The following PPP2R2B variants were observed in gnomAD, a reference collection of about 807,000 sequenced individuals.
PPP2R2B encodes protein phosphatase 2 regulatory subunit Bbeta, also known as serine/threonine-protein phosphatase 2A 55 kDa regulatory subunit B beta isoform.
PPP2R2B carries 5 observed loss-of-function variants against 46.0 expected under a neutral mutation model. That is an observed-to-expected ratio of 0.11 (90% CI 0.06 to 0.23). PPP2R2B has a LOEUF of 0.23. Among genes scored for constraint, PPP2R2B ranks in the 10% least tolerant of loss-of-function variants. The pLI, the probability that PPP2R2B is intolerant of heterozygous loss-of-function variation, is 1.00. For synonymous variants in PPP2R2B, 215 were observed against 206.7 expected, an observed-to-expected ratio of 1.04 and a Z score of -0.34; for missense variants, 367 against 575.0, an observed-to-expected ratio of 0.64 and a Z score of 3.70.
At chr5:146,888,361 C>T (rs901291068) in intron 1 of PPP2R2B, among the ~76,000 whole-genome samples, 2 of 152,156 alleles carry the variant, frequency 1.3e-5, no homozygotes, top group African/African-American at 4.8e-5. Context: ...TCATTCCCAT[C>T]TTTTCAATCC....
rs532307053 is a variant in PPP2R2B at position 146,652,925 on chromosome 5, A to T, written c.448-2201T>A. ...ATGAGGTAGAATTTTTAAAGTGAAGATCATACACTTTTGGACATCAACTAA... is the reference window on the plus strand; with the variant it reads ...ATGAGGTAGAATTTTTAAAGTGAAGTTCATACACTTTTGGACATCAACTAA... On this transcript the variant is annotated intron_variant, in intron 5 of 9. Transcript: ENST00000394411. Among the ~76,000 whole-genome samples the T allele has an allele frequency of 2.0e-5, 3 of 152,308 alleles. No homozygotes were observed. The South Asian group carries it at 6.2e-4, about 32-fold the overall frequency.
intron 6 of PPP2R2B, among the ~76,000 whole-genome samples, chr5:146,642,037 G>A (rs185453715): frequency 2.0e-5 from 3 of 152,300 alleles, no homozygotes; most frequent in Admixed American, 2.0e-4. Context: ...ACTGCTTACG[G>A]CATTTCTTAT....
At chr5:146,905,122 A>G (rs1017568671) in intron 1 of PPP2R2B, among the ~76,000 whole-genome samples, 6 of 152,294 alleles carry the variant, frequency 3.9e-5, no homozygotes, top group African/African-American at 1.2e-4. Context: ...CATCTCTACT[A>G]GAATTGCCAA....
At chr5:146,821,309 A>T (rs1019642412) in intron 2 of PPP2R2B, among the ~76,000 whole-genome samples, 1 of 152,094 alleles carries the variant, frequency 6.6e-6, no homozygotes, top group South Asian at 2.1e-4. Flanking sequence ...TCTTAAGGCT[A>T]TTTTTATCTT....
Position 146,878,114 on chromosome 5 carries a change from A to G in PPP2R2B, c.-43T>C, listed in dbSNP as rs1013110297. On this transcript the variant is annotated 5_prime_UTR_variant, in exon 2 of 10. Coordinates refer to ENST00000394411, the MANE Select transcript of PPP2R2B (RefSeq NM_181675.4). The surrounding 1 kb of genome is among the most constrained non-coding windows in gnomAD (Gnocchi z 4.5). ...GCGTGGGAACCAGAAGCCGGCAGAC[A>G]AGTATCCATGATCCCTCCCCGCAGC... The G allele has an allele frequency of 6.2e-6, 10 of 1,613,818 alleles. No individual in the cohort carries two copies. The highest frequency in any genetic ancestry group is 8.5e-6 in the Non-Finnish European group (10 of 1,179,938).
chr5:146,639,155 GCT>G (rs1270131794), intron 6 of PPP2R2B, among the ~76,000 whole-genome samples: 6 of 152,286 alleles, frequency 3.9e-5, no homozygotes, highest in Admixed American at 3.9e-4. Context: ...CAAAGTCTGT[GCT>G]CTTTCATAAT....
intron 5 of PPP2R2B, among the ~76,000 whole-genome samples, chr5:146,665,803 G>T (rs1020195024): frequency 6.6e-6 from 1 of 152,150 alleles, no homozygotes; most frequent in African/African-American, 2.4e-5. Context: ...TAACATCAGA[G>T]ATTAATGATC....
chr5:146,636,480 C>A (rs771112849), intron 7 of PPP2R2B, among the ~76,000 whole-genome samples: 4 of 152,166 alleles, frequency 2.6e-5, no homozygotes, highest in Non-Finnish European at 5.9e-5. Flanking sequence ...GTCAGCACCT[C>A]CCCCAGGGTC....
chr5:146,993,908 T>C (rs2151864021), intron 1 of PPP2R2B, among the ~76,000 whole-genome samples: 1 of 152,276 alleles, frequency 6.6e-6, no homozygotes, highest in South Asian at 2.1e-4. Context: ...GGATCCAGAA[T>C]TGCTATTTAA....
Position 146,878,442 on chromosome 5 carries a change from A to G in PPP2R2B, c.-125+149T>C. On this transcript the variant is annotated intron_variant, in intron 1 of 9. Transcript: ENST00000394411. This position sits in a 1 kb window ranked among gnomAD's most constrained non-coding sequence, Gnocchi z 4.5. ...GGCGCTCACAAGCGGGTCTGGGGAG[A>G]TGCCCAACAGGTTCCCCTCCTTGGC... 1 of 1,359,530 alleles carries G rather than the reference A, an allele frequency of 7.4e-7. No individual in the cohort carries two copies. The allele number at this position is 1,359,530 out of a possible 1,614,324, so 84.2% of individuals were successfully genotyped here. A position where few individuals can be genotyped will look rare whatever the true frequency, so the allele number is the denominator to read the frequency against.
At chr5:146,658,801 T>C (rs1416306464) in intron 5 of PPP2R2B, among the ~76,000 whole-genome samples, 1 of 152,220 alleles carries the variant, frequency 6.6e-6, no homozygotes, top group Non-Finnish European at 1.5e-5. Context: ...ATGATACTTT[T>C]AATCAAGGCC....
Position 146,689,661 on chromosome 5 carries a change from C to T in PPP2R2B, c.447+1467G>A, listed in dbSNP as rs912178437. On this transcript the variant is annotated intron_variant, in intron 5 of 9. Transcript: ENST00000394411. Reference sequence around the variant, plus strand: ...GCCCAAGGTCACTAGCGGAAAGTAACGGAGCCAGAATTCTAACCCAGGCTG... The same window carrying T: ...GCCCAAGGTCACTAGCGGAAAGTAATGGAGCCAGAATTCTAACCCAGGCTG... Among the ~76,000 whole-genome samples, 6 of 152,120 alleles carry T rather than the reference C, an allele frequency of 3.9e-5. No homozygotes were observed. In the East Asian group the frequency reaches 5.8e-4, roughly 15 times the overall value.
intron 2 of PPP2R2B, among the ~76,000 whole-genome samples, chr5:146,773,797 T>C (rs979743789): frequency 6.6e-6 from 1 of 152,200 alleles, no homozygotes; most frequent in Admixed American, 6.5e-5. Flanking sequence ...ATTTTTACCG[T>C]AGAGGCCAAT....
chr5:146,949,047 C>G (rs1015126905), intron 1 of PPP2R2B, among the ~76,000 whole-genome samples: 3 of 152,172 alleles, frequency 2.0e-5, no homozygotes, highest in Middle Eastern at 3.4e-3. Context: ...GCATAAAAGA[C>G]AGGATAATAA....
chr5:146,962,169 C>A (rs937548341), intron 1 of PPP2R2B, among the ~76,000 whole-genome samples: 2 of 147,834 alleles, frequency 1.4e-5, no homozygotes, highest in Non-Finnish European at 3.0e-5. Context: ...GTACTCTGAG[C>A]CCTAGAAACA....
At chr5:146,660,153 G>T (rs141916832) in intron 5 of PPP2R2B, among the ~76,000 whole-genome samples, 85 of 152,284 alleles carry the variant, frequency 5.6e-4, no homozygotes, top group South Asian at 1.0e-3. Context: ...AACCTGGGGG[G>T]CAGAGTCTGG....
intron 5 of PPP2R2B, among the ~76,000 whole-genome samples, chr5:146,680,249 C>T (rs1262826700): frequency 1.3e-5 from 2 of 148,758 alleles, no homozygotes; most frequent in Non-Finnish European, 3.0e-5. Flanking sequence ...TTTGTAGGGA[C>T]ATGGATGAAA....
At chr5:147,028,129 C>T (rs868539959) in intron 1 of PPP2R2B, among the ~76,000 whole-genome samples, 1 of 152,128 alleles carries the variant, frequency 6.6e-6, no homozygotes, top group Admixed American at 6.5e-5. Context: ...TTTACACACA[C>T]GTACTATTTT....
intron 2 of PPP2R2B, among the ~76,000 whole-genome samples, chr5:146,730,618 T>A (rs1247862806): frequency 6.6e-6 from 1 of 152,134 alleles, no homozygotes; most frequent in South Asian, 2.1e-4. Flanking sequence ...AGTCTCATAA[T>A]AGTGAATAAG....
Sources: allele counts gnomAD v4.1 joint callset (sites outside exome capture counted in the v4.1 genomes callset), GRCh38; gene constraint gnomAD v4.1.1; non-coding constraint Gnocchi (gnomAD v3.1); transcripts MANE v1.5; gene names NCBI Gene and HGNC (gene_info 2026-07-23, HGNC 2026-07-21).